INTS6: variants seen among roughly 807,000 people sequenced by gnomAD.
INTS6 encodes the protein DEAD box protein.
In INTS6, 16 loss-of-function variants were observed where a neutral mutation model predicts 104.9. The ratio of observed to expected loss-of-function variants is 0.15; its 90% confidence interval spans 0.10 to 0.23. The LOEUF is 0.23. Among genes scored for constraint, INTS6 ranks in the 10% least tolerant of loss-of-function variants. The pLI is 1.00. For synonymous variants in INTS6, 324 were observed against 358.7 expected (o/e 0.90, Z 1.09); for missense variants, 584 against 1,062.8 (o/e 0.55, Z 6.26).
chr13:51,451,965 C>T lies in INTS6; in HGVS notation c.189+13G>A, dbSNP rs1239922988. On this transcript the variant is annotated intron_variant, in intron 2 of 17. Coordinates refer to ENST00000311234, the MANE Select transcript of INTS6 (RefSeq NM_012141.3). ...AAGGGAAGGGAGGAAAGGGGGAGGG[C>T]GAGGGCTGTTACCTTGATAGCATAG... The T allele has an allele frequency of 1.9e-6, 3 of 1,600,700 alleles. No individual in the cohort carries two copies. Among genetic ancestry groups the T allele is most frequent in the South Asian group, 1.1e-5 (1 of 90,562 alleles).
chr13:51,406,766 C>G (rs1956574887), intron 4 of INTS6, among the ~76,000 whole-genome samples: 1 of 152,072 alleles, frequency 6.6e-6, no homozygotes, highest in Non-Finnish European at 1.5e-5. Context: ...GTACTACGAT[C>G]CCTCTTCTTT....
chr13:51,374,001 A>G (rs1160328458), intron 15 of INTS6, among the ~76,000 whole-genome samples: 1 of 152,252 alleles, frequency 6.6e-6, no homozygotes, highest in Non-Finnish European at 1.5e-5. Flanking sequence ...CATAATAGCT[A>G]ATAAAGCATC....
the INTS6 span, among the ~76,000 whole-genome samples, chr13:51,337,202 G>A: frequency 6.6e-6 from 1 of 152,162 alleles, no homozygotes; most frequent in Non-Finnish European, 1.5e-5. Context: ...GACTCCTCCT[G>A]TACAACCCCA....
rs748653401 is a variant in INTS6, at chr13:51,361,836, A to T, written c.*3916T>A. On this transcript the variant is annotated 3_prime_UTR_variant, in exon 18 of 18. Transcript: ENST00000311234. ...TCTGTTGTTATTGAAAAGGTCTCGG[A>T]TTCCTATTTTTAAAGCAGATCGGCC... 8 of 1,610,110 alleles carry T rather than the reference A, an allele frequency of 5.0e-6. No individual in the cohort carries two copies. Among genetic ancestry groups the T allele is most frequent in the Non-Finnish European group, 4.2e-6 (5 of 1,178,302 alleles).
intron 3 of INTS6, among the ~76,000 whole-genome samples, chr13:51,433,682 A>C (rs1957137728): frequency 6.6e-6 from 1 of 152,228 alleles, no homozygotes; most frequent in Admixed American, 6.5e-5. Context: ...ACTTAACAGA[A>C]AGTCTGAGTT....
downstream of INTS6, among the ~76,000 whole-genome samples, chr13:51,349,673 A>C (rs1955386320): frequency 6.6e-6 from 1 of 152,200 alleles, no homozygotes; most frequent in East Asian, 1.9e-4. Context: ...CTCCACTGAG[A>C]ACTCTCCACC....
intron 3 of INTS6, chr13:51,450,793 G>T: frequency 8.7e-7 from 1 of 1,151,986 alleles, no homozygotes; most frequent in Non-Finnish European, 1.1e-6. Flanking sequence ...CAACTTTATA[G>T]CAAAAGTTTC....
chr13:51,365,935 G>A lies in INTS6; in HGVS notation c.2571-90C>T, dbSNP rs528096504. 32 of 656,652 alleles carry A rather than the reference G, an allele frequency of 4.9e-5. No homozygotes were observed. The East Asian group carries it at 5.2e-4, about 11-fold the overall frequency. The allele number at this position is 656,652 out of a possible 1,614,324, so 40.7% of individuals were successfully genotyped here. A position where few individuals can be genotyped will look rare whatever the true frequency, so the allele number is the denominator to read the frequency against. The stretch of plus-strand genomic sequence containing the variant: ...TTTTTAAGAAAGGAGAGAAAATTTT[G>A]GGAAGATTTTTCAAAGTGAAATGAA... On this transcript the variant is annotated intron_variant, in intron 17 of 17. Transcript: ENST00000311234.
chr13:51,351,029 G>A (rs1955397752), downstream of INTS6, among the ~76,000 whole-genome samples: 1 of 151,834 alleles, frequency 6.6e-6, no homozygotes. Context: ...AGTACATTTT[G>A]TTTACCTATT....
chr13:51,423,322 T>A (rs1566240089), intron 4 of INTS6, among the ~76,000 whole-genome samples: 1 of 151,766 alleles, frequency 6.6e-6, no homozygotes, highest in African/African-American at 2.4e-5. Context: ...TCTGGTAAGG[T>A]AGGGGGTGTG....
intron 7 of INTS6, among the ~76,000 whole-genome samples, chr13:51,386,685 A>AT (rs1956145564): frequency 6.6e-6 from 1 of 152,114 alleles, no homozygotes; most frequent in Non-Finnish European, 1.5e-5. Flanking sequence ...TACAATTCTT[A>AT]TTTTCTAAAG....
At chr13:51,398,731 A>T (rs1285442304) in intron 4 of INTS6, among the ~76,000 whole-genome samples, 1 of 138,780 alleles carries the variant, frequency 7.2e-6, no homozygotes, top group Non-Finnish European at 1.6e-5. Context: ...AAGATGTTTA[A>T]AAAAAAAAAA....
At chr13:51,427,513 T>C (rs531080041) in intron 4 of INTS6, among the ~76,000 whole-genome samples, 3 of 152,238 alleles carry the variant, frequency 2.0e-5, no homozygotes, top group African/African-American at 7.2e-5. Flanking sequence ...TTTCACAATA[T>C]CTCACAACAT....
At chr13:51,354,240 GCACACAC>G (rs1566194708) in exon 4 of INTS6, 1 of 151,800 alleles carries the variant, frequency 6.6e-6, no homozygotes, top group African/African-American at 2.4e-5. Context: ...CATGGGCTCT[GCACACAC>G]ACAGGCTTGA....
At chr13:51,394,322 GCTTT>G (rs775379456) in intron 5 of INTS6, among the ~76,000 whole-genome samples, 7 of 152,124 alleles carry the variant, frequency 4.6e-5, no homozygotes, top group Admixed American at 3.3e-4. Context: ...ATGAATAACA[GCTTT>G]CTATCTATTT....
intron 3 of INTS6, chr13:51,437,945 A>AT (rs1461133858): frequency 6.6e-6 from 1 of 152,196 alleles, no homozygotes; most frequent in African/African-American, 2.4e-5. Flanking sequence ...GGAGGCAGAG[A>AT]TTACAGTAAG....
chr13:51,374,913 T>G, intron 13 of INTS6, 117 bp from the exon 14 acceptor site: 1 of 1,048,158 alleles, frequency 9.5e-7, no homozygotes, highest in Non-Finnish European at 1.3e-6. Context: ...TACCAACATA[T>G]TCTAAATTTG....
At chr13:51,354,394 A>G (rs929625997) in intron 3 of INTS6, 1 of 152,206 alleles carries the variant, frequency 6.6e-6, no homozygotes, top group Non-Finnish European at 1.5e-5. Context: ...CTGATAATCC[A>G]CATAAAGCTC....
intron 4 of INTS6, among the ~76,000 whole-genome samples, chr13:51,404,173 C>G (rs143078561): frequency 6.6e-6 from 1 of 150,778 alleles, no homozygotes; most frequent in African/African-American, 2.4e-5. Flanking sequence ...AGTTGGGAGG[C>G]TGCAGCAGGG....
Sources: allele counts gnomAD v4.1 joint callset (sites outside exome capture counted in the v4.1 genomes callset), GRCh38; gene constraint gnomAD v4.1.1; transcripts MANE v1.5; gene names NCBI Gene and HGNC (gene_info 2026-07-23, HGNC 2026-07-21).